CCDC91: variants seen among roughly 807,000 people sequenced by gnomAD.
The protein encoded by CCDC91 is coiled-coil domain-containing protein 91.
CCDC91 carries 48 observed loss-of-function variants against 63.2 expected under a neutral mutation model. That is an observed-to-expected ratio of 0.76 (90% CI 0.60 to 0.97). The LOEUF is 0.97. Ranked by LOEUF, CCDC91 falls within the 50% of genes least tolerant of loss-of-function variation. The pLI is 0.00. For missense variants in CCDC91, 500 were observed against 494.6 expected (o/e 1.01, Z -0.10); for synonymous variants, 167 against 165.8 (o/e 1.01, Z -0.06).
At chr12:28,451,564 A>G (rs890919538) in intron 10 of CCDC91, among the ~76,000 whole-genome samples, 1 of 151,690 alleles carries the variant, frequency 6.6e-6, no homozygotes, top group Non-Finnish European at 1.5e-5. Context: ...TTATGGTAAC[A>G]TTAACAAATG....
At chr12:28,521,693 G>T (rs1940687783) in intron 12 of CCDC91, among the ~76,000 whole-genome samples, 1 of 152,166 alleles carries the variant, frequency 6.6e-6, no homozygotes, top group East Asian at 1.9e-4. Context: ...CATTCAGTAT[G>T]ATATTGGCTG....
intron 12 of CCDC91, among the ~76,000 whole-genome samples, chr12:28,502,352 G>A (rs867200781): frequency 2.6e-5 from 4 of 151,668 alleles, no homozygotes; most frequent in African/African-American, 4.8e-5. Flanking sequence ...AGAGAATAAA[G>A]TACCTAGGAA....
At chr12:28,256,363 C>T (rs561664619) in intron 1 of CCDC91, among the ~76,000 whole-genome samples, 2 of 151,494 alleles carry the variant, frequency 1.3e-5, no homozygotes, top group East Asian at 1.9e-4. Context: ...ATGTATACTT[C>T]CTCTTACTAA....
chr12:28,293,040 T>C (rs1949344286), intron 3 of CCDC91, among the ~76,000 whole-genome samples: 1 of 152,162 alleles, frequency 6.6e-6, no homozygotes, highest in African/African-American at 2.4e-5. Flanking sequence ...ATTTTATGAT[T>C]TAAATAACAG....
chr12:28,426,196 G>A (rs1418857165), intron 8 of CCDC91, among the ~76,000 whole-genome samples: 1 of 152,096 alleles, frequency 6.6e-6, no homozygotes, highest in Non-Finnish European at 1.5e-5. Context: ...CCTCTTCTAT[G>A]AGTTAGATAC....
At chr12:28,429,515 TAAAC>T (rs1371540297) in intron 8 of CCDC91, among the ~76,000 whole-genome samples, 2 of 152,106 alleles carry the variant, frequency 1.3e-5, no homozygotes, top group African/African-American at 2.4e-5. Flanking sequence ...TAATATATAA[TAAAC>T]AATACATTCG....
At chr12:28,406,292 A>T (rs954043160) in intron 8 of CCDC91, among the ~76,000 whole-genome samples, 1 of 151,854 alleles carries the variant, frequency 6.6e-6, no homozygotes, top group Admixed American at 6.6e-5. Context: ...AAAAAAAAAA[A>T]ATCCCTCAAT....
chr12:28,414,673 G>C (rs890799550), intron 8 of CCDC91, among the ~76,000 whole-genome samples: 1 of 152,068 alleles, frequency 6.6e-6, no homozygotes, highest in Non-Finnish European at 1.5e-5. Flanking sequence ...TCCAGATCAT[G>C]GTAATGTTTT....
intron 12 of CCDC91, among the ~76,000 whole-genome samples, chr12:28,531,495 C>G (rs1248312357): frequency 1.3e-5 from 2 of 152,030 alleles, no homozygotes; most frequent in East Asian, 1.9e-4. Flanking sequence ...ATGCAGACCT[C>G]TTTTTCATGT....
At chr12:28,192,304 C>T (rs1941329924) in intron 1 of CCDC91, among the ~76,000 whole-genome samples, 1 of 152,108 alleles carries the variant, frequency 6.6e-6, no homozygotes, top group Non-Finnish European at 1.5e-5. Context: ...CAGATGTATG[C>T]ATTACATATG....
intron 3 of CCDC91, among the ~76,000 whole-genome samples, chr12:28,273,478 T>G (rs1947940777): frequency 6.6e-6 from 1 of 152,168 alleles, no homozygotes; most frequent in Non-Finnish European, 1.5e-5. Context: ...TGTTCCTATT[T>G]CTCCACATCC....
intron 6 of CCDC91, among the ~76,000 whole-genome samples, chr12:28,350,408 A>G (rs556775135): frequency 8.5e-5 from 13 of 152,352 alleles, no homozygotes; most frequent in South Asian, 2.1e-4. Flanking sequence ...ACACTTAGGT[A>G]AGAAGTAATT....
At chr12:28,339,618 A>G (rs1942269996) in intron 6 of CCDC91, among the ~76,000 whole-genome samples, 5 of 152,198 alleles carry the variant, frequency 3.3e-5, no homozygotes, top group Admixed American at 3.3e-4. Flanking sequence ...GAGATGATAT[A>G]TAAAGTATGC....
intron 3 of CCDC91, among the ~76,000 whole-genome samples, chr12:28,300,830 T>A (rs1937994845): frequency 6.6e-6 from 1 of 151,620 alleles, no homozygotes; most frequent in African/African-American, 2.4e-5. Flanking sequence ...GCTAAATTTA[T>A]TCTTAAGTAC....
intron 6 of CCDC91, among the ~76,000 whole-genome samples, chr12:28,361,496 T>C (rs547986595): frequency 6.6e-6 from 1 of 152,264 alleles, no homozygotes; most frequent in South Asian, 2.1e-4. Flanking sequence ...TTTCTTTGGC[T>C]TCCTCTGTCC....
chr12:28,284,768 C>G (rs1253832447), intron 3 of CCDC91, among the ~76,000 whole-genome samples: 1 of 152,154 alleles, frequency 6.6e-6, no homozygotes, highest in Non-Finnish European at 1.5e-5. Context: ...ATGAAAGTAG[C>G]ATGACTGTAT....
chr12:28,506,678 C>T (rs2141223856), intron 12 of CCDC91, among the ~76,000 whole-genome samples: 1 of 151,894 alleles, frequency 6.6e-6, no homozygotes, highest in South Asian at 2.1e-4. Flanking sequence ...CTGTTATAAT[C>T]CTCATTTTAC....
intron 6 of CCDC91, among the ~76,000 whole-genome samples, chr12:28,309,571 C>G (rs772425526): frequency 4.6e-5 from 7 of 151,966 alleles, no homozygotes; most frequent in Non-Finnish European, 1.0e-4. Context: ...TAACCTATTG[C>G]TCCTAGTTAA....
intron 12 of CCDC91, among the ~76,000 whole-genome samples, chr12:28,499,741 T>C (rs1952523443): frequency 6.6e-6 from 1 of 152,166 alleles, no homozygotes; most frequent in East Asian, 1.9e-4. Flanking sequence ...ATCCAGTCTA[T>C]CAATGATGGG....
Sources: allele counts gnomAD v4.1 joint callset (sites outside exome capture counted in the v4.1 genomes callset), GRCh38; gene constraint gnomAD v4.1.1; transcripts MANE v1.5; gene names NCBI Gene and HGNC (gene_info 2026-07-23, HGNC 2026-07-21).